Variants in INPP4B observed in about 807,000 individuals in gnomAD.
INPP4B encodes inositol polyphosphate-4-phosphatase type II B.
A neutral mutation model predicts 122.5 loss-of-function variants in INPP4B; 55 were observed. That is an observed-to-expected ratio of 0.45 (90% CI 0.36 to 0.56). The LOEUF (loss-of-function observed/expected upper bound fraction) is 0.56, where lower values mean the gene tolerates loss of function less well. Among genes scored for constraint, INPP4B ranks in the 20% least tolerant of loss-of-function variants. The probability of loss-of-function intolerance (pLI) is 0.00; values close to 1 mark genes in which losing one functional copy is unlikely to be tolerated. For missense variants in INPP4B, 1,000 were observed against 1,097.7 expected (o/e 0.91, Z 1.26); for synonymous variants, 403 against 388.7 (o/e 1.04, Z -0.43).
intron 18 of INPP4B, among the ~76,000 whole-genome samples, chr4:142,125,376 A>C (rs1241355788): frequency 6.6e-6 from 1 of 152,018 alleles, no homozygotes; most frequent in Non-Finnish European, 1.5e-5. Context: ...AAAAACACTA[A>C]AGCATTCATA....
chr4:142,116,845 A>T (rs113368576), intron 21 of INPP4B, among the ~76,000 whole-genome samples: 1 of 152,124 alleles, frequency 6.6e-6, no homozygotes, highest in Non-Finnish European at 1.5e-5. Flanking sequence ...GACACAAAAA[A>T]CCGTTCAAAA....
intron 17 of INPP4B, among the ~76,000 whole-genome samples, chr4:142,147,064 C>G (rs1178695202): frequency 5.4e-4 from 82 of 152,268 alleles, no homozygotes; most frequent in Non-Finnish European, 7.4e-5. Context: ...AGCATTGACT[C>G]CTAATTTCTC....
intron 2 of INPP4B, among the ~76,000 whole-genome samples, chr4:142,602,719 T>C (rs77694201): frequency 5.9e-5 from 9 of 152,158 alleles, no homozygotes; most frequent in Non-Finnish European, 1.3e-4. Flanking sequence ...AAATAATAGA[T>C]GCTGGTGACA....
intron 2 of INPP4B, among the ~76,000 whole-genome samples, chr4:142,687,028 T>A (rs1288691509): frequency 1.3e-5 from 2 of 151,960 alleles, no homozygotes; most frequent in Non-Finnish European, 1.5e-5. Context: ...AGAAAAAAAA[T>A]TCTTGGGGAT....
At chr4:142,074,059 T>C (rs1174747943) in intron 25 of INPP4B, among the ~76,000 whole-genome samples, 2 of 152,092 alleles carry the variant, frequency 1.3e-5, no homozygotes, top group East Asian at 3.8e-4. Flanking sequence ...ATGCATTCTC[T>C]GTCCAAACCC....
At chr4:142,202,852 C>G (rs1375461051) in intron 14 of INPP4B, 20 of 793,892 alleles carry the variant, frequency 2.5e-5, no homozygotes, top group Non-Finnish European at 3.1e-5. Context: ...AGGGCAAGCC[C>G]ATTCATTCCC....
chr4:142,538,182 C>T (rs977312402), intron 2 of INPP4B, among the ~76,000 whole-genome samples: 1 of 152,030 alleles, frequency 6.6e-6, no homozygotes, highest in Non-Finnish European at 1.5e-5. Flanking sequence ...TAAGTGGTTT[C>T]CCATACTCCT....
At chr4:142,197,752 T>G (rs1838943239) in intron 14 of INPP4B, among the ~76,000 whole-genome samples, 1 of 152,182 alleles carries the variant, frequency 6.6e-6, no homozygotes, top group Non-Finnish European at 1.5e-5. Flanking sequence ...TACTCTATTT[T>G]CAGGATCTCA....
chr4:142,619,016 C>T (rs6824356), intron 2 of INPP4B, among the ~76,000 whole-genome samples: 287 of 151,960 alleles, frequency 1.9e-3, no homozygotes, highest in African/African-American at 6.8e-3. Context: ...ACCAGGTAAA[C>T]GCAAATCAAC....
intron 1 of INPP4B, among the ~76,000 whole-genome samples, chr4:142,728,056 A>G (rs1765561090): frequency 1.3e-5 from 2 of 152,210 alleles, no homozygotes; most frequent in African/African-American, 2.4e-5. Context: ...GGAAGCATAA[A>G]AAAAGGAAGT....
chr4:142,826,497 C>CACACACAA, intron 1 of INPP4B, among the ~76,000 whole-genome samples: 1 of 65,484 alleles, frequency 1.5e-5, no homozygotes, highest in East Asian at 3.3e-4. Context: ...TTCATAAAAT[C>CACACACAA]ACACACACAC....
intron 9 of INPP4B, among the ~76,000 whole-genome samples, chr4:142,276,860 TA>T (rs199834671): frequency 1.6e-3 from 249 of 152,042 alleles, no homozygotes; most frequent in African/African-American, 5.4e-3. Flanking sequence ...ATGACACTAT[TA>T]AAAATATATA....
intron 25 of INPP4B, chr4:142,030,329 G>C: frequency 1.3e-6 from 2 of 1,510,958 alleles, no homozygotes; most frequent in Non-Finnish European, 1.8e-6. Flanking sequence ...AGTTGGGGGG[G>C]AAAAGAAAAT....
intron 2 of INPP4B, among the ~76,000 whole-genome samples, chr4:142,539,874 T>C (rs1391444824): frequency 6.6e-6 from 1 of 151,998 alleles, no homozygotes; most frequent in Non-Finnish European, 1.5e-5. Context: ...TATCAATACG[T>C]AGGGAAAAAA....
chr4:142,643,807 T>C (rs1289740453), intron 2 of INPP4B, among the ~76,000 whole-genome samples: 1 of 152,196 alleles, frequency 6.6e-6, no homozygotes, highest in African/African-American at 2.4e-5. Context: ...AAATAGTAAG[T>C]ATGGTGCTGA....
chr4:142,708,594 A>G (rs1196362779), intron 2 of INPP4B, among the ~76,000 whole-genome samples: 1 of 152,160 alleles, frequency 6.6e-6, no homozygotes, highest in African/African-American at 2.4e-5. Flanking sequence ...GGTGTAAGCT[A>G]TAACCTTTGG....
chr4:142,522,594 A>G (rs151170847), intron 2 of INPP4B, among the ~76,000 whole-genome samples: 10 of 152,124 alleles, frequency 6.6e-5, no homozygotes, highest in Admixed American at 1.3e-4. Flanking sequence ...TGTATAATAA[A>G]GGGGATATCA....
chr4:142,476,221 C>T (rs1346892337), intron 2 of INPP4B, among the ~76,000 whole-genome samples: 1 of 152,156 alleles, frequency 6.6e-6, no homozygotes, highest in Non-Finnish European at 1.5e-5. Context: ...CCAATAATTT[C>T]ATATTTAGCC....
At chr4:142,148,907 C>T (rs1812247456) in intron 17 of INPP4B, among the ~76,000 whole-genome samples, 1 of 152,176 alleles carries the variant, frequency 6.6e-6, no homozygotes, top group Non-Finnish European at 1.5e-5. Context: ...AGAAATTGAG[C>T]AGTCTCTTCT....
Sources: allele counts gnomAD v4.1 joint callset (sites outside exome capture counted in the v4.1 genomes callset), GRCh38; gene constraint gnomAD v4.1.1; transcripts MANE v1.5; gene names NCBI Gene and HGNC (gene_info 2026-07-23, HGNC 2026-07-21).